Variants in SLC10A7 observed in about 807,000 individuals in gnomAD.
The protein encoded by SLC10A7 is solute carrier family 10 member 7, also known as sodium/bile acid cotransporter 7.
Under a neutral mutation model 43.2 loss-of-function variants are expected in SLC10A7, and 29 were observed. That is an observed-to-expected ratio of 0.67 (90% confidence interval 0.50 to 0.92). The LOEUF (loss-of-function observed/expected upper bound fraction) is 0.92. SLC10A7 is among the 40% of genes least tolerant of loss of function. The probability of loss-of-function intolerance (pLI) is 0.00; values close to 1 mark genes in which losing one functional copy is unlikely to be tolerated. For synonymous variants in SLC10A7, 152 were observed against 144.8 expected (o/e 1.05, Z -0.35); for missense variants, 295 against 403.2 (o/e 0.73, Z 2.30).
chr4:146,366,369 C>T (rs1736393325), intron 5 of SLC10A7, among the ~76,000 whole-genome samples: 1 of 152,126 alleles, frequency 6.6e-6, no homozygotes, highest in Admixed American at 6.6e-5. Flanking sequence ...CTTAATGAGA[C>T]AAATACATAA....
At chr4:146,299,254 C>T (rs1730992939) in intron 7 of SLC10A7, among the ~76,000 whole-genome samples, 1 of 152,162 alleles carries the variant, frequency 6.6e-6, no homozygotes, top group Non-Finnish European at 1.5e-5. Context: ...CACCTGATTC[C>T]TCTGAACTAG....
rs533234592 is a variant in SLC10A7 at position 146,479,779 on chromosome 4, T to A, written c.396+24070A>T. 4.5e-3 allele frequency among the ~76,000 whole-genome samples: 678 copies of A among 152,262 alleles called. 6 individuals are homozygous for A. The highest frequency in any genetic ancestry group is 7.3e-3 in the Admixed American group (112 of 15,298). On this transcript the variant is annotated intron_variant, in intron 4 of 11. Coordinates refer to ENST00000335472, the MANE Select transcript of SLC10A7 (RefSeq NM_001029998.6). The stretch of plus-strand genomic sequence containing the variant: ...TTATTTTACCACAATTCAAAAAAAT[T>A]GTTAGAAAAATGATATAAAAACCCA...
At chr4:146,464,040 G>T (rs1732785854) in intron 4 of SLC10A7, among the ~76,000 whole-genome samples, 1 of 151,564 alleles carries the variant, frequency 6.6e-6, no homozygotes. Context: ...GCCCAGGCTG[G>T]TCTTGAATTC....
At chr4:146,269,330 CAGGGAATTCA>C (rs1279586236) in intron 10 of SLC10A7, among the ~76,000 whole-genome samples, 1 of 152,192 alleles carries the variant, frequency 6.6e-6, no homozygotes, top group African/African-American at 2.4e-5. Flanking sequence ...AACTAGCAAA[CAGGGAATTCA>C]AGAATGAATT....
intron 5 of SLC10A7, among the ~76,000 whole-genome samples, chr4:146,416,242 GC>G (rs1279887988): frequency 1.3e-5 from 2 of 150,366 alleles, no homozygotes; most frequent in African/African-American, 4.9e-5. Flanking sequence ...TTAGAAGTCA[GC>G]ATGGTTAGCA....
In SLC10A7 at chr4:146,328,567, C is replaced by A. The variant is rs552473092; in HGVS notation, c.436-2571G>T. ...CTCACTCTGCCCACTACTGCCAGAA[C>A]CTATGCAAACCATCCCAGGCCTGAG... On this transcript the variant is annotated intron_variant, in intron 5 of 11. Coordinates refer to ENST00000335472, the MANE Select transcript of SLC10A7 (RefSeq NM_001029998.6). Among the ~76,000 whole-genome samples, 3 of 152,288 alleles carry A rather than the reference C, an allele frequency of 2.0e-5. No individual in the cohort carries two copies. In the South Asian group the frequency reaches 6.2e-4, roughly 32 times the overall value.
At chr4:146,479,823 A>G (rs914896878) in intron 4 of SLC10A7, among the ~76,000 whole-genome samples, 2 of 152,210 alleles carry the variant, frequency 1.3e-5, no homozygotes, top group African/African-American at 4.8e-5. Flanking sequence ...AAAAATTCCA[A>G]TATCTTTTGT....
At chr4:146,273,289 T>C (rs577748677) in intron 10 of SLC10A7, among the ~76,000 whole-genome samples, 18 of 152,268 alleles carry the variant, frequency 1.2e-4, no homozygotes, top group African/African-American at 4.1e-4. Flanking sequence ...CTCTTGTTCC[T>C]GCTCCATCAC....
At chr4:146,325,680 C>A (rs764402688) in intron 6 of SLC10A7, among the ~76,000 whole-genome samples, 4 of 152,072 alleles carry the variant, frequency 2.6e-5, no homozygotes, top group Non-Finnish European at 5.9e-5. Context: ...TAAAGAGCAG[C>A]GCAGTTTTTG....
intron 4 of SLC10A7, among the ~76,000 whole-genome samples, chr4:146,449,837 G>A (rs751673083): frequency 3.3e-5 from 5 of 152,034 alleles, no homozygotes; most frequent in Admixed American, 6.6e-5. Flanking sequence ...TGGGAAAGAA[G>A]GGAATTTAAA....
At chr4:146,323,709 C>G (rs1732901168) in intron 6 of SLC10A7, among the ~76,000 whole-genome samples, 1 of 152,090 alleles carries the variant, frequency 6.6e-6, no homozygotes, top group Non-Finnish European at 1.5e-5. Context: ...AATGTGGGCT[C>G]TTTTTTGGTT....
At chr4:146,336,835 A>C (rs1462134948) in intron 5 of SLC10A7, among the ~76,000 whole-genome samples, 1 of 152,056 alleles carries the variant, frequency 6.6e-6, no homozygotes, top group African/African-American at 2.4e-5. Context: ...AGGACAGAAA[A>C]ATATAAGAAC....
intron 4 of SLC10A7, among the ~76,000 whole-genome samples, chr4:146,445,252 C>A (rs957092114): frequency 6.6e-6 from 1 of 152,136 alleles, no homozygotes; most frequent in African/African-American, 2.4e-5. Flanking sequence ...GGTCATCATC[C>A]TTCTGAGATG....
chr4:146,394,093 T>A (rs1376449970), intron 5 of SLC10A7, among the ~76,000 whole-genome samples: 2 of 152,144 alleles, frequency 1.3e-5, no homozygotes, highest in South Asian at 2.1e-4. Flanking sequence ...TTTCAGGAAA[T>A]CTAATCAGCA....
intron 5 of SLC10A7, among the ~76,000 whole-genome samples, chr4:146,356,735 T>G (rs953745358): frequency 1.3e-5 from 2 of 151,324 alleles, no homozygotes; most frequent in African/African-American, 2.4e-5. Flanking sequence ...CTACAAGGGA[T>G]TTTTTTTTGT....
In SLC10A7 at chr4:146,299,355, C is replaced by T. The variant is rs76260903; in HGVS notation, c.556-5260G>A. ...TTAAACTAGGTAGACAAAGTCCCTGCTCTCATGATGTTTACATTCTAGTTT... is the reference window on the plus strand; with the variant it reads ...TTAAACTAGGTAGACAAAGTCCCTGTTCTCATGATGTTTACATTCTAGTTT... On this transcript the variant is annotated intron_variant, in intron 7 of 11. Transcript: ENST00000335472. Among the ~76,000 whole-genome samples, 174 of 152,280 alleles carry T rather than the reference C, an allele frequency of 1.1e-3. 1 individual carries two copies. In the East Asian group the frequency reaches 0.02, roughly 17 times the overall value.
At chr4:146,356,937 G>A (rs775932118) in intron 5 of SLC10A7, among the ~76,000 whole-genome samples, 4 of 152,050 alleles carry the variant, frequency 2.6e-5, no homozygotes, top group Non-Finnish European at 5.9e-5. Context: ...TACCTTTATT[G>A]AAAGTTTCCA....
chr4:146,426,114 C>CA (rs1353071296), intron 5 of SLC10A7, among the ~76,000 whole-genome samples: 2 of 152,250 alleles, frequency 1.3e-5, no homozygotes, highest in Non-Finnish European at 2.9e-5. Flanking sequence ...GGTAGAGCCA[C>CA]AAAATTAGTT....
At position 146,492,660 on chromosome 4, in the gene SLC10A7, G is replaced by A. The variant is rs145094260; in HGVS notation, c.396+11189C>T. 2.6e-3 allele frequency among the ~76,000 whole-genome samples: 398 copies of A among 152,274 alleles called. 1 individual carries two copies. The highest frequency in any genetic ancestry group is 9.1e-3 in the African/African-American group (379 of 41,556). Reference sequence around the variant, plus strand: ...GCTGGGATTACAGGCATGAGCCACCGTGCCCAGCCAGCCATGTTCTTAATA... The same window carrying A: ...GCTGGGATTACAGGCATGAGCCACCATGCCCAGCCAGCCATGTTCTTAATA... On this transcript the variant is annotated intron_variant, in intron 4 of 11. Transcript: ENST00000335472.
Sources: gnomAD v4.1 joint callset for allele counts (sites outside exome capture counted in the v4.1 genomes callset) on GRCh38, gnomAD v4.1.1 for gene constraint, MANE v1.5 for transcripts, NCBI Gene and HGNC (gene_info 2026-07-23, HGNC 2026-07-21) for gene names.